Variants in ARHGAP27 observed in about 807,000 individuals in gnomAD.
The protein encoded by ARHGAP27 is rho GTPase-activating protein 27.
ARHGAP27 carries 53 observed loss-of-function variants against 102.0 expected under a neutral mutation model. The observed-to-expected ratio is 0.52, with a 90% confidence interval of 0.42 to 0.65. ARHGAP27 has a LOEUF of 0.65. Ranked by LOEUF, ARHGAP27 falls within the 30% of genes least tolerant of loss-of-function variation. The pLI, the probability that ARHGAP27 is intolerant of heterozygous loss-of-function variation, is 0.00. For missense variants in ARHGAP27, 1,117 were observed against 1,256.2 expected (o/e 0.89, Z 1.68); for synonymous variants, 525 against 542.8 (o/e 0.97, Z 0.46).
chr17:45,406,115 T>C (rs2047138627), intron 4 of ARHGAP27, 32 bp from the exon 5 acceptor site: 1 of 1,483,192 alleles, frequency 6.7e-7, no homozygotes, highest in Non-Finnish European at 8.9e-7. Context: ...ATTTTGTGTT[T>C]TCAGAAACCT....
chr17:45,406,044 T>G lies in ARHGAP27; in HGVS notation c.697A>C (p.Arg233=). The change falls in exon 5 of 20, where the codon AGG becomes CGG. Residue 233 remains arginine (R), a synonymous_variant. Transcript: ENST00000685559. ...PPEPVYANIE[R]QPRATSPGAA... ...CCCGGTGAAGTGGCCCGGGGCTGCCTCTCTATGTTCGCGTACACGGGCTCC... is the reference window on the plus strand; with the variant it reads ...CCCGGTGAAGTGGCCCGGGGCTGCCGCTCTATGTTCGCGTACACGGGCTCC... 6.5e-7 allele frequency: 1 copy of G among 1,532,570 alleles called. No individual in the cohort carries two copies. The highest frequency in any genetic ancestry group is 8.7e-7 in the Non-Finnish European group (1 of 1,144,548). The allele number at this position is 1,532,570 out of a possible 1,614,324, so 94.9% of individuals were successfully genotyped here.
In ARHGAP27 at chr17:45,430,910, T is replaced by C. The variant is rs1490262253; in HGVS notation, c.-18-613A>G. Among the ~76,000 whole-genome samples the C allele has an allele frequency of 6.6e-6, 1 of 152,086 alleles. No individual in the cohort carries two copies. The highest frequency in any genetic ancestry group is 2.4e-5 in the African/African-American group (1 of 41,402). ...GCTGCCCCCCTTAGTCCGAGGGCCT[T>C]GCTGTAGAGGCCTCCGCTGCCAATG... On this transcript the variant is annotated intron_variant, in intron 3 of 19. Coordinates refer to ENST00000685559, the MANE Select transcript of ARHGAP27 (RefSeq NM_001282290.2). The surrounding 1 kb of genome is among the most constrained non-coding windows in gnomAD (Gnocchi z 4.4).
intron 4 of ARHGAP27, among the ~76,000 whole-genome samples, chr17:45,426,591 C>T (rs994165575): frequency 6.6e-6 from 1 of 151,932 alleles, no homozygotes; most frequent in South Asian, 2.1e-4. Flanking sequence ...CGTGCCATGC[C>T]ATCCCCACAT....
intron 9 of ARHGAP27, 23 bp downstream of exon 9, chr17:45,404,246 T>G: frequency 1.9e-6 from 3 of 1,613,500 alleles, no homozygotes; most frequent in Middle Eastern, 3.3e-4. Flanking sequence ...ACCACCTGGC[T>G]GGGGGTAGGG....
At chr17:45,411,947 G>A (rs891341108) in intron 4 of ARHGAP27, among the ~76,000 whole-genome samples, 1 of 152,200 alleles carries the variant, frequency 6.6e-6, no homozygotes, top group Non-Finnish European at 1.5e-5. Context: ...GCTGGGTGGA[G>A]AGGGGAGAGA....
At chr17:45,410,530 C>T (rs1395142591) in intron 4 of ARHGAP27, 4 of 932,526 alleles carry the variant, frequency 4.3e-6, no homozygotes, top group Non-Finnish European at 5.9e-6. Context: ...CTGCTGGCTG[C>T]CCCACTCAGT....
At position 45,430,267 on chromosome 17, in the gene ARHGAP27, C is replaced by T. The variant is rs1303197552; in HGVS notation, c.13G>A (p.Val5Met). The change falls in exon 4 of 20, where the codon GTG (valine) becomes ATG (methionine). Residue 5 changes from valine (V) to methionine (M), a missense_variant. Physicochemically the swap from Val to Met is conservative, Grantham distance 21 (BLOSUM62 1). Coordinates refer to ENST00000685559, the MANE Select transcript of ARHGAP27 (RefSeq NM_001282290.2). This position sits in a 1 kb window ranked among gnomAD's most constrained non-coding sequence, Gnocchi z 4.4. MAAD[V>M]VGDVYVLVEH... is the part of the protein sequence containing the mutation. ...ACCAGCACGTACACGTCCCCCACCA[C>T]GTCCGCCGCCATCGCAGCCGCGGCG... 13 of 1,575,698 alleles carry T rather than the reference C, an allele frequency of 8.3e-6. No individual in the cohort carries two copies. Among genetic ancestry groups the T allele is most frequent in the Non-Finnish European group, 1.1e-5 (13 of 1,169,538 alleles).
At chr17:45,403,813 G>A in intron 10 of ARHGAP27, 104 bp from the exon 11 acceptor site, 5 of 1,098,714 alleles carry the variant, frequency 4.6e-6, no homozygotes, top group South Asian at 1.4e-5. Flanking sequence ...ACACAGGCTA[G>A]GGCACCCCAT....
intron 4 of ARHGAP27, among the ~76,000 whole-genome samples, chr17:45,424,036 A>G (rs2049300721): frequency 6.6e-6 from 1 of 152,184 alleles, no homozygotes; most frequent in Non-Finnish European, 1.5e-5. Flanking sequence ...CCCTTCTGCT[A>G]CCTCTGCTTC....
rs368845773 is a variant in ARHGAP27, at chr17:45,395,896, G to C, written c.2387-47C>G. 1.3e-5 allele frequency: 21 copies of C among 1,579,890 alleles called. No homozygotes were observed. In the East Asian group the frequency reaches 2.1e-4, roughly 16 times the overall value. ...GGGAGGGAGTCGGAACGGGAGGTAG[G>C]GGGTATCGGCTGGGCGAGGGGAGCC... On this transcript the variant is annotated intron_variant, in intron 18 of 19. Transcript: ENST00000685559.
Position 45,396,783 on chromosome 17 carries a change from G to C in ARHGAP27, c.1959C>G (p.Pro653=), listed in dbSNP as rs766907855. The C allele has an allele frequency of 6.2e-7, 1 of 1,611,184 alleles. No homozygotes were observed. Among genetic ancestry groups the C allele is most frequent in the Non-Finnish European group, 8.5e-7 (1 of 1,178,666 alleles). Residue 653 remains proline (P), a synonymous_variant, in exon 15 of 20, where the codon CCC becomes CCG. Coordinates refer to ENST00000685559, the MANE Select transcript of ARHGAP27 (RefSeq NM_001282290.2). ...EEDARPNAAA[P]ALGPVGLESD... is the part of the protein sequence containing the mutation. ...TCTCCAGGCCCACGGGGCCCAGGGC[G>C]GGCGCGGCTGCCGCGGGGAAAGGCA...
intron 12 of ARHGAP27, among the ~76,000 whole-genome samples, chr17:45,400,626 T>C (rs1033989369): frequency 8.5e-5 from 13 of 152,204 alleles, no homozygotes; most frequent in Non-Finnish European, 1.8e-4. Context: ...GCACAGGTGA[T>C]GTCTCAGACC....
chr17:45,404,240 C>A (rs1157926360), intron 9 of ARHGAP27, 29 bp downstream of exon 9: 1 of 1,613,390 alleles, frequency 6.2e-7, no homozygotes, highest in Non-Finnish European at 8.5e-7. Flanking sequence ...AGCACCACCA[C>A]CTGGCTGGGG....
At position 45,395,768 on chromosome 17, in the gene ARHGAP27, C is replaced by T. The variant is rs1435566620; in HGVS notation, c.2468G>A (p.Arg823Gln). 1.9e-6 allele frequency: 3 copies of T among 1,601,286 alleles called. No individual in the cohort carries two copies. The highest frequency in any genetic ancestry group is 1.3e-5 in the African/African-American group (1 of 74,728). Residue 823 changes from arginine (R) to glutamine (Q), a missense_variant, in exon 19 of 20, where the codon CGG becomes CAG. Transcript: ENST00000685559. ...SLPAPNHDTL[R>Q]MLFQHLCRVI... ...CCGGCAGAGGTGCTGGAAGAGCATC[C>T]GCAGAGTGTCGTGGTTGGGAGCGGG...
rs2049946972 is a variant in ARHGAP27, at chr17:45,430,159, T to C, written c.121A>G (p.Ser41Gly). The C allele has an allele frequency of 1.3e-6, 2 of 1,536,090 alleles. No individual in the cohort carries two copies. The highest frequency in any genetic ancestry group is 1.7e-6 in the Non-Finnish European group (2 of 1,147,762). The change falls in exon 4 of 20, where the codon AGC becomes GGC. Residue 41 changes from serine (S) to glycine (G), a missense_variant. Coordinates refer to ENST00000685559, the MANE Select transcript of ARHGAP27 (RefSeq NM_001282290.2). This position sits in a 1 kb window ranked among gnomAD's most constrained non-coding sequence, Gnocchi z 4.4. ...CGCACGTGCCACCAGTGCTCGGTGC[T>C]GCGCCGCAGCAGCCGGTAGCGCTCA... The part of the protein sequence containing the change: ...PNERYRLLRR[S>G]TEHWWHVRRE...
intron 5 of ARHGAP27, among the ~76,000 whole-genome samples, chr17:45,405,380 GC>G (rs924508461): frequency 1.3e-5 from 2 of 151,206 alleles, no homozygotes; most frequent in Admixed American, 1.3e-4. Flanking sequence ...GGGGTCAGAA[GC>G]GCTTAGAGGT....
At chr17:45,416,084 C>T (rs1214781358) in intron 4 of ARHGAP27, among the ~76,000 whole-genome samples, 6 of 149,294 alleles carry the variant, frequency 4.0e-5, no homozygotes, top group Non-Finnish European at 5.9e-5. Flanking sequence ...CTGGCTCTGT[C>T]GCCCAGGCTG....
intron 4 of ARHGAP27, chr17:45,409,916 G>A (rs1230105): frequency 5.8e-6 from 2 of 347,622 alleles, no homozygotes; most frequent in Non-Finnish European, 1.0e-5. Flanking sequence ...GTGGCCTTCC[G>A]ACCTCAGGCC....
At chr17:45,418,693 G>A (rs551150151) in intron 4 of ARHGAP27, among the ~76,000 whole-genome samples, 27 of 152,278 alleles carry the variant, frequency 1.8e-4, no homozygotes, top group African/African-American at 6.3e-4. Flanking sequence ...CTGGGACAGT[G>A]GGTGGGTGGG....
Sources: gnomAD v4.1 joint callset for allele counts (sites outside exome capture counted in the v4.1 genomes callset) on GRCh38, gnomAD v4.1.1 for gene constraint, Gnocchi (gnomAD v3.1) non-coding constraint, MANE v1.5 for transcripts, NCBI Gene and HGNC (gene_info 2026-07-23, HGNC 2026-07-21) for gene names.